The following HS3ST4 variants were observed in gnomAD, a reference collection of about 807,000 sequenced individuals.
The protein encoded by HS3ST4 is heparan sulfate-glucosamine 3-sulfotransferase 4.
Under a neutral mutation model 29.2 loss-of-function variants are expected in HS3ST4, and 17 were observed. The observed-to-expected ratio is 0.58, with a 90% CI of 0.40 to 0.87. The LOEUF (loss-of-function observed/expected upper bound fraction) is 0.87, where lower values mean the gene tolerates loss of function less well. Among genes scored for constraint, HS3ST4 ranks in the 40% least tolerant of loss-of-function variants. The probability of loss-of-function intolerance (pLI) is 0.00; values close to 1 mark genes in which losing one functional copy is unlikely to be tolerated. For synonymous variants in HS3ST4, 314 were observed against 285.7 expected (o/e 1.10, Z -1.00); for missense variants, 627 against 634.5 (o/e 0.99, Z 0.13).
At chr16:25,719,155 C>T (rs1477523270) in intron 1 of HS3ST4, among the ~76,000 whole-genome samples, 1 of 152,124 alleles carries the variant, frequency 6.6e-6, no homozygotes, top group Non-Finnish European at 1.5e-5. Flanking sequence ...CAGTGTAATA[C>T]TAAAGATATC....
intron 1 of HS3ST4, among the ~76,000 whole-genome samples, chr16:25,768,477 C>G (rs939366968): frequency 1.3e-5 from 2 of 152,068 alleles, no homozygotes; most frequent in African/African-American, 4.8e-5. Flanking sequence ...GAATTCAGGG[C>G]AGGGGATCTC....
intron 1 of HS3ST4, among the ~76,000 whole-genome samples, chr16:25,942,948 C>G (rs1968587172): frequency 6.6e-6 from 1 of 152,140 alleles, no homozygotes; most frequent in South Asian, 2.1e-4. Flanking sequence ...AAAATAAACT[C>G]TGTAGTACCT....
intron 1 of HS3ST4, among the ~76,000 whole-genome samples, chr16:26,091,575 C>G (rs2141789798): frequency 6.6e-6 from 1 of 152,252 alleles, no homozygotes; most frequent in East Asian, 1.9e-4. Context: ...TTCTACCTCA[C>G]CAGCTGGGGA....
intron 1 of HS3ST4, among the ~76,000 whole-genome samples, chr16:26,000,986 G>T (rs1470926790): frequency 6.6e-6 from 1 of 152,144 alleles, no homozygotes; most frequent in Non-Finnish European, 1.5e-5. Flanking sequence ...AAATGTTCCA[G>T]ATTAAAGGAG....
At chr16:25,814,361 G>C (rs1202010196) in intron 1 of HS3ST4, among the ~76,000 whole-genome samples, 1 of 151,858 alleles carries the variant, frequency 6.6e-6, no homozygotes, top group Non-Finnish European at 1.5e-5. Flanking sequence ...GGCGGGGGCG[G>C]GGGGAGATGG....
At chr16:25,701,402 C>A (rs1387028837) in intron 1 of HS3ST4, among the ~76,000 whole-genome samples, 1 of 152,084 alleles carries the variant, frequency 6.6e-6, no homozygotes, top group African/African-American at 2.4e-5. Flanking sequence ...GTTCTCTATT[C>A]TTTACGGGGA....
chr16:25,705,201 T>C (rs1966367301), intron 1 of HS3ST4, among the ~76,000 whole-genome samples: 1 of 152,222 alleles, frequency 6.6e-6, no homozygotes, highest in African/African-American at 2.4e-5. Context: ...GGCCCCCTGT[T>C]TGACTTTTGT....
At chr16:25,785,012 G>T (rs1000577150) in intron 1 of HS3ST4, among the ~76,000 whole-genome samples, 5 of 152,132 alleles carry the variant, frequency 3.3e-5, no homozygotes, top group African/African-American at 1.2e-4. Context: ...AAATCCTAGG[G>T]CCCTTAAGAA....
Position 26,029,417 on chromosome 16 carries a change from C to CT in HS3ST4, c.735-106182dup, listed in dbSNP as rs532985339. Among the ~76,000 whole-genome samples, 1,227 of 144,616 alleles carry CT rather than the reference C, an allele frequency of 8.5e-3. 5 individuals are homozygous for CT. Among genetic ancestry groups the CT allele is most frequent in the Non-Finnish European group, 0.01 (670 of 65,526 alleles). 94.9% of individuals were successfully genotyped at this position (144,616 alleles called of 152,430 possible). A position where few individuals can be genotyped will look rare whatever the true frequency, so the allele number is the denominator to read the frequency against. The stretch of plus-strand genomic sequence containing the variant: ...ACACTTCATTTTGCAAGGGGTAGTT[C>CT]TTTTTTTTTTTTTGAGACAAAGTCT... On this transcript the variant is annotated intron_variant, in intron 1 of 1. Coordinates refer to ENST00000331351, the MANE Select transcript of HS3ST4 (RefSeq NM_006040.3).
intron 1 of HS3ST4, among the ~76,000 whole-genome samples, chr16:25,772,860 C>T (rs944294503): frequency 3.9e-5 from 6 of 152,250 alleles, no homozygotes; most frequent in Admixed American, 3.3e-4. Flanking sequence ...GTGGCTATGA[C>T]GTCGAGAGAT....
intron 1 of HS3ST4, among the ~76,000 whole-genome samples, chr16:25,724,885 G>C (rs1016036437): frequency 2.7e-5 from 4 of 150,688 alleles, no homozygotes; most frequent in African/African-American, 9.8e-5. Flanking sequence ...GAAATCTCTA[G>C]TCATTATGTG....
intron 1 of HS3ST4, among the ~76,000 whole-genome samples, chr16:25,979,405 T>C (rs180802486): frequency 1.3e-5 from 2 of 152,284 alleles, no homozygotes; most frequent in East Asian, 3.9e-4. Flanking sequence ...CCACCCCCTA[T>C]TGTTCACATT....
At chr16:25,968,348 C>T (rs142062367) in intron 1 of HS3ST4, among the ~76,000 whole-genome samples, 8 of 152,222 alleles carry the variant, frequency 5.3e-5, no homozygotes, top group East Asian at 1.9e-4. Context: ...TGTCTCTGGA[C>T]GATCAGGACC....
rs142455140 is a variant in HS3ST4, at chr16:25,747,340, C to T, written c.734+54189C>T. Among the ~76,000 whole-genome samples, 280 of 152,308 alleles carry T rather than the reference C, an allele frequency of 1.8e-3. 1 individual carries two copies. The highest frequency in any genetic ancestry group is 5.4e-3 in the East Asian group (28 of 5,178). On this transcript the variant is annotated intron_variant, in intron 1 of 1. Transcript: ENST00000331351. ...AGAAGACACAGAAATGGCTTGTCTT[C>T]AGCACCGTTGGCCGTGGACAGCTCC...
intron 1 of HS3ST4, among the ~76,000 whole-genome samples, chr16:25,732,401 T>C (rs1966576069): frequency 6.6e-6 from 1 of 152,210 alleles, no homozygotes; most frequent in African/African-American, 2.4e-5. Flanking sequence ...GTGAGCCACG[T>C]TGATATGCCA....
intron 1 of HS3ST4, among the ~76,000 whole-genome samples, chr16:26,078,082 A>G (rs1898684394): frequency 6.6e-6 from 1 of 152,146 alleles, no homozygotes; most frequent in South Asian, 2.1e-4. Context: ...TATGTAAAAA[A>G]ATGAACAGTG....
chr16:25,960,926 A>G (rs4131221), intron 1 of HS3ST4, among the ~76,000 whole-genome samples: 36,435 of 152,054 alleles, frequency 0.24, 4,703 homozygotes, highest in East Asian at 0.43. Context: ...AGAAGGCTCA[A>G]TCCCCAAACT....
At chr16:26,059,870 C>G (rs939396688) in intron 1 of HS3ST4, among the ~76,000 whole-genome samples, 1 of 152,138 alleles carries the variant, frequency 6.6e-6, no homozygotes, top group African/African-American at 2.4e-5. Flanking sequence ...CTCCGCCTCC[C>G]TGGTTCAAGC....
rs182808758 is a variant in HS3ST4, at chr16:26,042,102, A to G, written c.735-93510A>G. 2.7e-3 allele frequency among the ~76,000 whole-genome samples: 404 copies of G among 152,298 alleles called. 2 individuals carry two copies. The highest frequency in any genetic ancestry group is 9.5e-3 in the African/African-American group (395 of 41,564). Reference sequence around the variant, plus strand: ...CTGGCTCTTATTCAAAAATCCTTTAAGATCACAGATAGGCATTCTGTGCCC... The same window carrying G: ...CTGGCTCTTATTCAAAAATCCTTTAGGATCACAGATAGGCATTCTGTGCCC... On this transcript the variant is annotated intron_variant, in intron 1 of 1. Coordinates refer to ENST00000331351, the MANE Select transcript of HS3ST4 (RefSeq NM_006040.3).
Sources: gnomAD v4.1 joint callset for allele counts (sites outside exome capture counted in the v4.1 genomes callset) on GRCh38, gnomAD v4.1.1 for gene constraint, MANE v1.5 for transcripts, NCBI Gene and HGNC (gene_info 2026-07-23, HGNC 2026-07-21) for gene names.